Variants in CWF19L1 observed in about 807,000 individuals in gnomAD.
CWF19L1 encodes the protein CWF19-like protein 1.
In CWF19L1, 60 loss-of-function variants were observed where a neutral mutation model predicts 69.7. The ratio of observed to expected loss-of-function variants is 0.86; its 90% CI spans 0.70 to 1.07. The LOEUF is 1.07. Ranked by LOEUF, CWF19L1 falls within the 50% of genes least tolerant of loss-of-function variation. The pLI is 0.00. For missense variants in CWF19L1, 591 were observed against 638.9 expected (o/e 0.92, Z 0.81); for synonymous variants, 209 against 222.2 (o/e 0.94, Z 0.53).
chr10:100,248,671 C>T (rs1480696742), intron 7 of CWF19L1: 2 of 898,652 alleles, frequency 2.2e-6, no homozygotes, highest in African/African-American at 3.2e-5. Context: ...TGCTGGAGAA[C>T]TAATCACCTA....
At chr10:100,248,844 C>G in intron 7 of CWF19L1, 2 of 1,199,184 alleles carry the variant, frequency 1.7e-6, no homozygotes, top group Non-Finnish European at 2.5e-6. Flanking sequence ...CAGAGAGCAC[C>G]AGATTTGTGG....
chr10:100,242,188 T>C (rs1048594905), intron 10 of CWF19L1, among the ~76,000 whole-genome samples: 3 of 152,188 alleles, frequency 2.0e-5, no homozygotes, highest in African/African-American at 7.2e-5. Context: ...CCCGTTCTCA[T>C]AGTCTGATTC....
intron 5 of CWF19L1, among the ~76,000 whole-genome samples, chr10:100,254,772 A>T (rs1300446405): frequency 1.3e-5 from 2 of 152,174 alleles, no homozygotes; most frequent in Non-Finnish European, 2.9e-5. Context: ...ACAGAGCATC[A>T]TATGTGTCTT....
rs1847353770 is a variant in CWF19L1 at position 100,260,249 on chromosome 10, T to C, written c.258A>G (p.Gly86=). Residue 86 remains glycine (G), a synonymous_variant, in exon 4 of 14, where the codon GGA becomes GGG. Transcript: ENST00000354105. ...AAGTAATGTTTTCAGCTAATTCACATCCATCAGCATCCTGGAAATATTTTA... is the reference window on the plus strand; with the variant it reads ...AAGTAATGTTTTCAGCTAATTCACACCCATCAGCATCCTGGAAATATTTTA... The part of the protein sequence containing the change: ...ETVKYFQDAD[G]CELAENITYL... 6.2e-7 allele frequency: 1 copy of C among 1,611,076 alleles called. No individual in the cohort carries two copies. Among genetic ancestry groups the C allele is most frequent in the East Asian group, 2.2e-5 (1 of 44,840 alleles).
chr10:100,234,984 C>T (rs1393810127), intron 13 of CWF19L1, among the ~76,000 whole-genome samples: 1 of 152,176 alleles, frequency 6.6e-6, no homozygotes, highest in East Asian at 1.9e-4. Context: ...AAGCTCTCTA[C>T]AGCCTGCTAT....
chr10:100,236,453 A>G (rs1471840041), intron 12 of CWF19L1, among the ~76,000 whole-genome samples: 5 of 152,064 alleles, frequency 3.3e-5, no homozygotes, highest in African/African-American at 1.2e-4. Flanking sequence ...ATAGCTCAAC[A>G]TGTCAAAAAC....
At chr10:100,267,427 G>C (rs1195292044) in intron 1 of CWF19L1, 144 bp downstream of exon 1, 2 of 1,551,632 alleles carry the variant, frequency 1.3e-6, no homozygotes, top group Admixed American at 2.0e-5. Context: ...GCCAGGCAAA[G>C]ACATCACCTA....
Position 100,233,360 on chromosome 10 carries a change from G to A in CWF19L1, c.1484C>T (p.Ala495Val). 1 of 1,612,438 alleles carries A rather than the reference G, an allele frequency of 6.2e-7. No individual in the cohort carries two copies. The highest frequency in any genetic ancestry group is 1.1e-5 in the South Asian group (1 of 90,808). The change falls in exon 14 of 14, where the codon GCC becomes GTC. Residue 495 changes from alanine to valine, a missense_variant. Coordinates refer to ENST00000354105, the MANE Select transcript of CWF19L1 (RefSeq NM_018294.6). ...AGGAACATTAAGGATGGCTTCACTGGCCAGGACCTCCCTGCAGAAATAGCA... is the reference window on the plus strand; with the variant it reads ...AGGAACATTAAGGATGGCTTCACTGACCAGGACCTCCCTGCAGAAATAGCA... ...FPLQFGREVL[A>V]SEAILNVPDK...
At chr10:100,254,400 G>T (rs1011131096) in intron 5 of CWF19L1, 2 of 152,158 alleles carry the variant, frequency 1.3e-5, no homozygotes, top group African/African-American at 4.8e-5. Flanking sequence ...TATGAAGTTT[G>T]CTCAAAGTTA....
At position 100,234,267 on chromosome 10, in the gene CWF19L1, T is replaced by C. The variant is rs75879625; in HGVS notation, c.1473-896A>G. On this transcript the variant is annotated intron_variant, in intron 13 of 13. Coordinates refer to ENST00000354105, the MANE Select transcript of CWF19L1 (RefSeq NM_018294.6). ...GCCTATTTCAAATATAAAAGGAAAATAGAACTACCTTTCTTGTACAGCTGA... is the reference window on the plus strand; with the variant it reads ...GCCTATTTCAAATATAAAAGGAAAACAGAACTACCTTTCTTGTACAGCTGA... Among the ~76,000 whole-genome samples, 647 of 152,204 alleles carry C rather than the reference T, an allele frequency of 4.3e-3. 5 individuals carry two copies. The highest frequency in any genetic ancestry group is 0.014 in the African/African-American group (599 of 41,524).
chr10:100,235,962 G>T (rs555045011), intron 12 of CWF19L1, among the ~76,000 whole-genome samples, 198 bp from the exon 13 acceptor site: 1 of 152,158 alleles, frequency 6.6e-6, no homozygotes, highest in East Asian at 1.9e-4. Flanking sequence ...TCCCAGTGGC[G>T]TCTATCCTTC....
At position 100,261,061 on chromosome 10, in the gene CWF19L1, A is replaced by G; in HGVS notation, c.109-17T>C. 1 of 1,565,178 alleles carries G rather than the reference A, an allele frequency of 6.4e-7. No homozygotes were observed. Among genetic ancestry groups the G allele is most frequent in the South Asian group, 1.1e-5 (1 of 89,394 alleles). On this transcript the variant is annotated splice_polypyrimidine_tract_variant and intron_variant, in intron 2 of 13. Transcript: ENST00000354105. ...CAACAGCAGCTAAAATGAGTTTTTT[A>G]AACAGATATATGAGATTTTAAAATA...
chr10:100,237,653 AT>A lies in CWF19L1; in HGVS notation c.1254+368del, dbSNP rs549066626. On this transcript the variant is annotated intron_variant, in intron 11 of 13. Transcript: ENST00000354105. The stretch of plus-strand genomic sequence containing the variant: ...ACATATTAAAGCTAAACTTTATATA[AT>A]TTTTTTTTTAAAGATGGAGTCTCGC... 2.8e-3 allele frequency among the ~76,000 whole-genome samples: 426 copies of A among 150,418 alleles called. 2 individuals are homozygous for A. The highest frequency in any genetic ancestry group is 9.7e-3 in the African/African-American group (399 of 41,144).
chr10:100,237,076 C>T, intron 11 of CWF19L1, 107 bp from the exon 12 acceptor site: 5 of 1,331,020 alleles, frequency 3.8e-6, no homozygotes, highest in Non-Finnish European at 5.2e-6. Flanking sequence ...GAGAAACACC[C>T]CTCAGCACAG....
chr10:100,232,891 T>C lies in CWF19L1; in HGVS notation c.*336A>G, dbSNP rs956854501. 1.8e-5 allele frequency: 3 copies of C among 166,014 alleles called. No individual in the cohort carries two copies. The highest frequency in any genetic ancestry group is 7.1e-5 in the African/African-American group (3 of 42,014). 10.3% of individuals were successfully genotyped at this position (166,014 alleles called of 1,614,324 possible). Reference sequence around the variant, plus strand: ...CAGGAATGGTGTCTCATGCTTGTAATCCCAGCAGGTTAAGAAGCCAAGGCA... The same window carrying C: ...CAGGAATGGTGTCTCATGCTTGTAACCCCAGCAGGTTAAGAAGCCAAGGCA... On this transcript the variant is annotated 3_prime_UTR_variant, in exon 14 of 14. Transcript: ENST00000354105.
At chr10:100,237,387 G>A (rs756372463) in intron 11 of CWF19L1, 1 of 410,364 alleles carries the variant, frequency 2.4e-6, no homozygotes, top group South Asian at 1.9e-5. Flanking sequence ...TTTCCCTCAT[G>A]CTGGGCCTCC....
At chr10:100,255,762 C>CAAAA (rs11428759) in intron 5 of CWF19L1, among the ~76,000 whole-genome samples, 3 of 118,106 alleles carry the variant, frequency 2.5e-5, no homozygotes, top group African/African-American at 9.8e-5. Context: ...AACTCCATCT[C>CAAAA]AAAAAAAAAA....
chr10:100,236,762 T>A, intron 12 of CWF19L1, 88 bp downstream of exon 12: 1 of 1,481,258 alleles, frequency 6.8e-7, no homozygotes, highest in Non-Finnish European at 9.0e-7. Context: ...AGAGCAAGAC[T>A]CTGTCTCAAA....
intron 7 of CWF19L1, chr10:100,249,152 C>A: frequency 2.7e-6 from 1 of 371,432 alleles, no homozygotes. Flanking sequence ...CCTTCTGCCC[C>A]AACCCTAGAA....
Sources: allele counts gnomAD v4.1 joint callset (sites outside exome capture counted in the v4.1 genomes callset), GRCh38; gene constraint gnomAD v4.1.1; transcripts MANE v1.5; gene names NCBI Gene and HGNC (gene_info 2026-07-23, HGNC 2026-07-21).